The following AVEN variants were observed in gnomAD, a reference collection of about 807,000 sequenced individuals.
AVEN encodes cell death regulator Aven.
A neutral mutation model predicts 38.1 loss-of-function variants in AVEN; 41 were observed. The ratio of observed to expected loss-of-function variants is 1.08; its 90% CI spans 0.84 to 1.40. AVEN has a LOEUF of 1.40. Ranked by LOEUF, AVEN falls within the 40% of genes most tolerant of loss-of-function variation. The pLI is 0.00. For missense variants in AVEN, 605 were observed against 438.8 expected (o/e 1.38, Z -3.38); for synonymous variants, 206 against 171.8 (o/e 1.20, Z -1.56).
downstream of AVEN, chr15:33,854,573 C>A: frequency 1.9e-6 from 2 of 1,046,294 alleles, no homozygotes; most frequent in Non-Finnish European, 2.8e-6. Context: ...GAGCCTTATA[C>A]GTGCTGGGGG....
At chr15:34,002,832 G>A (rs570033806) in intron 2 of AVEN, among the ~76,000 whole-genome samples, 200 bp downstream of exon 2, 1 of 152,120 alleles carries the variant, frequency 6.6e-6, no homozygotes, top group African/African-American at 2.4e-5. Flanking sequence ...ATTCTACATC[G>A]GTACATGGAA....
Position 33,983,803 on chromosome 15 carries a change from G to A in AVEN, c.445+19229C>T, listed in dbSNP as rs558302018. Among the ~76,000 whole-genome samples the A allele has an allele frequency of 2.2e-3, 331 of 152,114 alleles. 4 individuals are homozygous for A. Among genetic ancestry groups the A allele is most frequent in the Admixed American group, 2.2e-3 (33 of 15,278 alleles). On this transcript the variant is annotated intron_variant, in intron 2 of 5. Transcript: ENST00000306730. ...CTAAGTGGTAACTAAGAGTAACTAA[G>A]TGATCAGAGTTAACATCATCAGCAG...
intron 5 of AVEN, among the ~76,000 whole-genome samples, chr15:34,061,400 A>AT (rs1326603395): frequency 9.9e-5 from 1 of 10,148 alleles, no homozygotes; most frequent in East Asian, 0.5. Flanking sequence ...AGATGTACTG[A>AT]TAAAAAGCTG....
At chr15:33,952,279 G>C (rs1894781218) in intron 2 of AVEN, among the ~76,000 whole-genome samples, 1 of 152,180 alleles carries the variant, frequency 6.6e-6, no homozygotes, top group Admixed American at 6.5e-5. Flanking sequence ...TATAGATAGA[G>C]GGAGTTGGAG....
chr15:34,022,794 C>T (rs371863477), intron 1 of AVEN, among the ~76,000 whole-genome samples: 5 of 152,344 alleles, frequency 3.3e-5, no homozygotes, highest in African/African-American at 1.2e-4. Flanking sequence ...TTTTCCTGAC[C>T]TTCTGGCTGG....
At chr15:34,031,130 T>C (rs1228938741) in intron 1 of AVEN, among the ~76,000 whole-genome samples, 1 of 138,120 alleles carries the variant, frequency 7.2e-6, no homozygotes, top group East Asian at 2.2e-4. Flanking sequence ...TTTTTTTTTG[T>C]AACAGCCTAT....
chr15:33,863,039 G>C (rs562810985), downstream of AVEN, among the ~76,000 whole-genome samples: 1 of 152,328 alleles, frequency 6.6e-6, no homozygotes, highest in Non-Finnish European at 1.5e-5. Flanking sequence ...CCACGTGTCT[G>C]TACCCATGGG....
chr15:33,857,606 T>A (rs2079828973), downstream of AVEN, among the ~76,000 whole-genome samples: 1 of 152,080 alleles, frequency 6.6e-6, no homozygotes, highest in South Asian at 2.1e-4. Context: ...TGTGGTGCCA[T>A]CTTTCCTCCT....
rs1179558618 is a variant in AVEN, at chr15:33,975,801, A to G, written c.445+27231T>C. On this transcript the variant is annotated intron_variant, in intron 2 of 5. Transcript: ENST00000306730. Reference sequence around the variant, plus strand: ...AAAAATTAGCCGGGCGTGGTGGCACATGCCTGTAGTCCCAGCTACTCGGGA... The same window carrying G: ...AAAAATTAGCCGGGCGTGGTGGCACGTGCCTGTAGTCCCAGCTACTCGGGA... 3.3e-5 allele frequency among the ~76,000 whole-genome samples: 5 copies of G among 152,226 alleles called. No homozygotes were observed. The East Asian group carries it at 9.7e-4, about 29-fold the overall frequency.
At chr15:33,917,376 A>AC (rs1234089849) in intron 2 of AVEN, among the ~76,000 whole-genome samples, 1 of 10,446 alleles carries the variant, frequency 9.6e-5, no homozygotes, top group Non-Finnish European at 2.1e-4. Context: ...GTGTGTGTGT[A>AC]TACACACACA....
At chr15:33,855,364 C>T (rs1395511909), downstream of AVEN, among the ~76,000 whole-genome samples, 15 of 152,104 alleles carry the variant, frequency 9.9e-5, no homozygotes, top group South Asian at 8.3e-4. Flanking sequence ...CCACCATGCC[C>T]GGCTAATTTT....
rs185521686 is a variant in AVEN at position 33,941,569 on chromosome 15, C to T, written c.445+61463G>A. Among the ~76,000 whole-genome samples the T allele has an allele frequency of 3.6e-3, 554 of 152,058 alleles. 2 individuals are homozygous for T. The highest frequency in any genetic ancestry group is 0.013 in the African/African-American group (537 of 41,466). ...GGTTGTTCTAGTTTCAGTTTGGGAA[C>T]CGCACAATTTACATTAAAAACAAAA... On this transcript the variant is annotated intron_variant, in intron 2 of 5. Transcript: ENST00000306730.
intron 1 of AVEN, among the ~76,000 whole-genome samples, chr15:34,023,016 A>G (rs1898276693): frequency 6.6e-6 from 1 of 152,108 alleles, no homozygotes; most frequent in Non-Finnish European, 1.5e-5. Flanking sequence ...TGAAACCCCC[A>G]TCTCTACTAA....
Position 34,038,989 on chromosome 15 carries a change from G to A in AVEN, c.58C>T (p.Pro20Ser). The A allele has an allele frequency of 2.7e-6, 3 of 1,115,942 alleles. No individual in the cohort carries two copies. Among genetic ancestry groups the A allele is most frequent in the South Asian group, 3.8e-5 (1 of 26,480 alleles). 69.1% of individuals were successfully genotyped at this position (1,115,942 alleles called of 1,614,324 possible). Residue 20 changes from proline to serine, a missense_variant, in exon 1 of 6, where the codon CCT (proline) becomes TCT (serine). Pro to Ser is a moderately conservative substitution (Grantham distance 74, BLOSUM62 -1). Transcript: ENST00000306730. ...CGCTCGCTGTGGCGATCTCCGCCAGGCCGGCCGCGGCCTGGCCGCCGCCCA... is the reference window on the plus strand; with the variant it reads ...CGCTCGCTGTGGCGATCTCCGCCAGACCGGCCGCGGCCTGGCCGCCGCCCA... ...GRGRRPGRGRPGGDRHSERPG... is the reference protein window; with the variant it reads ...GRGRRPGRGRSGGDRHSERPG...
chr15:34,046,412 A>G (rs1899684879), intron 5 of AVEN: 1 of 152,010 alleles, frequency 6.6e-6, no homozygotes, highest in Non-Finnish European at 1.5e-5. Flanking sequence ...AATTTCGAAC[A>G]GGAGAAAAAA....
chr15:33,859,470 G>T, intron 11 of AVEN: 1 of 1,317,666 alleles, frequency 7.6e-7, no homozygotes, highest in Non-Finnish European at 1.1e-6. Flanking sequence ...CCCTCTCGTG[G>T]CTTAGGGCTG....
intron 2 of AVEN, among the ~76,000 whole-genome samples, chr15:33,915,245 A>G (rs1893085314): frequency 6.6e-6 from 1 of 152,164 alleles, no homozygotes; most frequent in Non-Finnish European, 1.5e-5. Context: ...GAACTACTGC[A>G]GGAACATATA....
At chr15:33,912,988 C>T (rs749377768) in intron 2 of AVEN, among the ~76,000 whole-genome samples, 1 of 151,350 alleles carries the variant, frequency 6.6e-6, no homozygotes, top group African/African-American at 2.4e-5. Flanking sequence ...CTCCTGGGTT[C>T]GAGTGATTCT....
downstream of AVEN, among the ~76,000 whole-genome samples, chr15:33,854,087 T>C (rs544891829): frequency 1.3e-4 from 19 of 151,924 alleles, 1 homozygote; most frequent in South Asian, 3.6e-3. Flanking sequence ...TCCCAGCTGC[T>C]TGGGAGGCTG....
Sources: allele counts gnomAD v4.1 joint callset (sites outside exome capture counted in the v4.1 genomes callset), GRCh38; gene constraint gnomAD v4.1.1; transcripts MANE v1.5; gene names NCBI Gene and HGNC (gene_info 2026-07-23, HGNC 2026-07-21).